The following SDK1 variants were observed in gnomAD, a reference collection of about 807,000 sequenced individuals.
The protein encoded by SDK1 is sidekick cell adhesion molecule 1, also known as protein sidekick-1.
Under a neutral mutation model 245.5 loss-of-function variants are expected in SDK1, and 157 were observed. That is an observed-to-expected ratio of 0.64 (90% CI 0.56 to 0.73). The LOEUF is 0.73. SDK1 is among the 30% of genes least tolerant of loss of function. The pLI, the probability that SDK1 is intolerant of heterozygous loss-of-function variation, is 0.00. For missense variants in SDK1, 3,583 were observed against 3,002.3 expected (o/e 1.19, Z -4.52); for synonymous variants, 1,647 against 1,278.5 (o/e 1.29, Z -6.15).
intron 5 of SDK1, among the ~76,000 whole-genome samples, chr7:3,826,880 G>A (rs1779788757): frequency 6.6e-6 from 1 of 152,070 alleles, no homozygotes; most frequent in Admixed American, 6.6e-5. Flanking sequence ...TGGATGGATT[G>A]GGGAATGAGT....
intron 1 of SDK1, among the ~76,000 whole-genome samples, chr7:3,502,408 C>G (rs1424042184): frequency 6.6e-6 from 1 of 152,028 alleles, no homozygotes; most frequent in Admixed American, 6.6e-5. Context: ...TACCACCATG[C>G]CTGGCTAATT....
At chr7:3,547,864 G>C (rs1779279888) in intron 1 of SDK1, among the ~76,000 whole-genome samples, 2 of 152,164 alleles carry the variant, frequency 1.3e-5, no homozygotes, top group Non-Finnish European at 2.9e-5. Context: ...TTTCCTTTCT[G>C]CCTGGCCATC....
chr7:3,376,781 A>C (rs1781366558), intron 1 of SDK1, among the ~76,000 whole-genome samples: 1 of 152,166 alleles, frequency 6.6e-6, no homozygotes, highest in African/African-American at 2.4e-5. Context: ...ACACACACAG[A>C]AAGATGTGTA....
At chr7:3,946,685 T>A (rs954397639) in intron 5 of SDK1, among the ~76,000 whole-genome samples, 17 of 152,174 alleles carry the variant, frequency 1.1e-4, no homozygotes, top group African/African-American at 4.1e-4. Context: ...AAGGATACTC[T>A]AGCTAAGTGA....
chr7:3,537,645 C>G (rs1197727246), intron 1 of SDK1, among the ~76,000 whole-genome samples: 2 of 152,210 alleles, frequency 1.3e-5, no homozygotes, highest in African/African-American at 2.4e-5. Flanking sequence ...AGCTGTGAGT[C>G]AGATACTGTT....
Position 3,921,586 on chromosome 7 carries a change from AG to A in SDK1, c.848-29333del, listed in dbSNP as rs529989140. On this transcript the variant is annotated intron_variant, in intron 5 of 44. Transcript: ENST00000404826. ...CTAGCTCCAGCTTAAAAGTAGAGGG[AG>A]GGGATTTTTATGAACAAAAGGAAAT... 3.9e-4 allele frequency among the ~76,000 whole-genome samples: 59 copies of A among 152,284 alleles called. 1 individual carries two copies. The highest frequency in any genetic ancestry group is 2.6e-3 in the Admixed American group (40 of 15,296).
intron 10 of SDK1, among the ~76,000 whole-genome samples, chr7:3,968,523 A>G (rs114677152): frequency 0.012 from 1,767 of 152,366 alleles, 28 homozygotes; most frequent in South Asian, 0.044. Flanking sequence ...CTACAGATCA[A>G]TAACAGGGCT....
intron 39 of SDK1, among the ~76,000 whole-genome samples, chr7:4,221,018 C>T (rs975003717): frequency 2.6e-5 from 4 of 152,074 alleles, no homozygotes; most frequent in Admixed American, 6.5e-5. Context: ...AAGCGATCCA[C>T]CTATCTCAGC....
rs146694807 is a variant in SDK1, at chr7:3,980,454, CTG to C, written c.1994+5911_1994+5912del. 5.7e-3 allele frequency among the ~76,000 whole-genome samples: 875 copies of C among 152,340 alleles called. 10 individuals are homozygous for C. Among genetic ancestry groups the C allele is most frequent in the African/African-American group, 0.02 (837 of 41,570 alleles). On this transcript the variant is annotated intron_variant, in intron 13 of 44. Coordinates refer to ENST00000404826, the MANE Select transcript of SDK1 (RefSeq NM_152744.4). Reference sequence around the variant, plus strand: ...CATTTATCAGCCTCTGTGCTTATCACTGTCTGTGAGTCACTCTACTGATCATT... The same window carrying C: ...CATTTATCAGCCTCTGTGCTTATCACTCTGTGAGTCACTCTACTGATCATT...
rs138482988 is a variant in SDK1 at position 4,239,062 on chromosome 7, G to A, written c.6130+1278G>A. On this transcript the variant is annotated intron_variant, in intron 42 of 44. Coordinates refer to ENST00000404826, the MANE Select transcript of SDK1 (RefSeq NM_152744.4). ...TGTGTCCGTGGTCTAGCTCTGAGCC[G>A]TCTGAGGGCCAGGTCACTACTGTGT... 9.2e-5 allele frequency among the ~76,000 whole-genome samples: 14 copies of A among 152,310 alleles called. No individual in the cohort carries two copies. In the South Asian group the frequency reaches 1.5e-3, roughly 16 times the overall value.
intron 5 of SDK1, among the ~76,000 whole-genome samples, chr7:3,858,423 T>A (rs1195853214): frequency 6.6e-6 from 1 of 152,028 alleles, no homozygotes; most frequent in African/African-American, 2.4e-5. Context: ...TTATATATTT[T>A]ATTACTACAT....
At chr7:3,604,038 G>C (rs1781335646) in intron 1 of SDK1, among the ~76,000 whole-genome samples, 1 of 152,182 alleles carries the variant, frequency 6.6e-6, no homozygotes, top group Non-Finnish European at 1.5e-5. Context: ...AAGCCCACTT[G>C]ATCATGGTGG....
chr7:4,094,811 C>A (rs1458252465), intron 22 of SDK1, among the ~76,000 whole-genome samples: 3 of 152,120 alleles, frequency 2.0e-5, no homozygotes, highest in Admixed American at 6.5e-5. Flanking sequence ...CTATGGCTTA[C>A]AGTAAGGATC....
At chr7:3,921,457 T>G (rs1388815471) in intron 5 of SDK1, among the ~76,000 whole-genome samples, 1 of 152,244 alleles carries the variant, frequency 6.6e-6, no homozygotes, top group Non-Finnish European at 1.5e-5. Context: ...ACATCAACAT[T>G]ATTTCTTTAC....
At chr7:4,182,917 T>C (rs929922486) in intron 35 of SDK1, among the ~76,000 whole-genome samples, 4 of 152,244 alleles carry the variant, frequency 2.6e-5, no homozygotes, top group Non-Finnish European at 5.9e-5. Flanking sequence ...ACCAGTTCAC[T>C]GAGCCCATGG....
intron 4 of SDK1, among the ~76,000 whole-genome samples, chr7:3,686,120 T>C (rs2010396): frequency 0.83 from 126,835 of 152,150 alleles, 53,020 homozygotes; most frequent in Non-Finnish European, 0.86. Context: ...TTGTTGCCCA[T>C]GCTGGAGCAC....
At chr7:3,426,048 T>C (rs1248763824) in intron 1 of SDK1, among the ~76,000 whole-genome samples, 2 of 152,246 alleles carry the variant, frequency 1.3e-5, no homozygotes, top group Non-Finnish European at 2.9e-5. Context: ...ATTTGTCTTC[T>C]CAGATATATG....
At position 3,301,286 on chromosome 7, in the gene SDK1, C is replaced by T. The variant is rs1779242795; in HGVS notation, c.-301C>T. 6.8e-6 allele frequency among the ~76,000 whole-genome samples: 1 copy of T among 146,540 alleles called. No individual in the cohort carries two copies. The highest frequency in any genetic ancestry group is 1.5e-5 in the Non-Finnish European group (1 of 65,876). On this transcript the variant is annotated 5_prime_UTR_variant, in exon 1 of 45. Coordinates refer to ENST00000404826, the MANE Select transcript of SDK1 (RefSeq NM_152744.4). ...TCTCAGCGCCGGGCGGGGGCGGCGG[C>T]GGCGGCGGCTCCTCCGCGCCCGGCG...
At chr7:3,635,741 C>G (rs1311743667) in intron 2 of SDK1, among the ~76,000 whole-genome samples, 2 of 152,114 alleles carry the variant, frequency 1.3e-5, no homozygotes, top group Non-Finnish European at 2.9e-5. Context: ...GGATCTGGCT[C>G]TGTCACCCAG....
Sources: allele counts gnomAD v4.1 joint callset (sites outside exome capture counted in the v4.1 genomes callset), GRCh38; gene constraint gnomAD v4.1.1; transcripts MANE v1.5; gene names NCBI Gene and HGNC (gene_info 2026-07-23, HGNC 2026-07-21).